Variants in ESYT2 observed in about 807,000 individuals in gnomAD.
The protein encoded by ESYT2 is extended synaptotagmin 2.
A neutral mutation model predicts 107.2 loss-of-function variants in ESYT2; 54 were observed. That is an observed-to-expected ratio of 0.50 (90% confidence interval 0.40 to 0.63). The LOEUF (loss-of-function observed/expected upper bound fraction) is 0.63, where lower values mean the gene tolerates loss of function less well. Ranked by LOEUF, ESYT2 falls within the 30% of genes least tolerant of loss-of-function variation. ESYT2 has a pLI of 0.00. For synonymous variants in ESYT2, 491 were observed against 434.1 expected, an observed-to-expected ratio of 1.13 and a Z score of -1.63; for missense variants, 1,020 against 1,094.5, an observed-to-expected ratio of 0.93 and a Z score of 0.96.
At position 158,738,313 on chromosome 7, in the gene ESYT2, A is replaced by AG. The variant is rs1837041683; in HGVS notation, c.2267+709_2267+710insC. Among the ~76,000 whole-genome samples, 4 of 86,538 alleles carry AG rather than the reference A, an allele frequency of 4.6e-5. No individual in the cohort carries two copies. In the Admixed American group the frequency reaches 4.9e-4, roughly 11 times the overall value. The allele number at this position is 86,538 out of a possible 152,430, so 56.8% of individuals were successfully genotyped here. ...GGGGACAAAGTAAAACTCTGTCTCC[A>AG]AAAAAAAAAAAAAATACACACACAC... is the stretch of plus-strand genomic sequence containing the variant. On this transcript the variant is annotated intron_variant, in intron 19 of 22. Transcript: ENST00000275418.
At chr7:158,764,976 C>G (rs1438928907) in intron 8 of ESYT2, 123 bp from the exon 9 acceptor site, 6 of 933,066 alleles carry the variant, frequency 6.4e-6, no homozygotes, top group Non-Finnish European at 6.5e-6. Context: ...AGACCCTCTT[C>G]TGGTGCCGAG....
rs1000350099 is a variant in ESYT2 at position 158,783,131 on chromosome 7, A to C, written c.747+4873T>G. Among the ~76,000 whole-genome samples, 3 of 152,204 alleles carry C rather than the reference A, an allele frequency of 2.0e-5. No individual in the cohort carries two copies. In the East Asian group the frequency reaches 5.8e-4, roughly 29 times the overall value. On this transcript the variant is annotated intron_variant, in intron 6 of 22. Coordinates refer to ENST00000275418, the MANE Select transcript of ESYT2 (RefSeq NM_001367773.1). ...AGTGGAACAGGCATTTCCAAAGGAC[A>C]GGAAGTCACCTCTGAGCTGTTGCGG...
chr7:158,780,885 G>C (rs1175429035), intron 6 of ESYT2, among the ~76,000 whole-genome samples: 1 of 152,256 alleles, frequency 6.6e-6, no homozygotes, highest in African/African-American at 2.4e-5. Context: ...AGGCTGTAAT[G>C]ACGGAGGGAG....
intron 7 of ESYT2, among the ~76,000 whole-genome samples, chr7:158,770,047 C>T (rs540757927): frequency 1.8e-4 from 27 of 152,086 alleles, no homozygotes; most frequent in Admixed American, 2.0e-4. Context: ...TGTGTGCCCA[C>T]GCCCAACTAA....
chr7:158,796,162 G>A (rs1364383414), intron 3 of ESYT2, among the ~76,000 whole-genome samples: 4 of 152,150 alleles, frequency 2.6e-5, no homozygotes, highest in African/African-American at 7.2e-5. Context: ...GTGCAACAAC[G>A]TGTGCAGACT....
intron 1 of ESYT2, among the ~76,000 whole-genome samples, chr7:158,806,069 C>T (rs1839818349): frequency 6.6e-6 from 1 of 152,030 alleles, no homozygotes; most frequent in Admixed American, 6.5e-5. Context: ...GGCGCCGGGG[C>T]ACACCGCGTG....
rs777853347 is a variant in ESYT2, at chr7:158,743,587, C to T, written c.1736G>A (p.Arg579His). The part of the protein sequence containing the change: ...LTSEDMTVSQ[R>H]FQLSNSGPNS... ...TGGACCCGAGTTACTGAGCTGGAAG[C>T]GCTGGCTCACAGTCATGTCCTCACT... The change falls in exon 17 of 23, where the codon CGC (arginine) becomes CAC (histidine). Residue 579 changes from arginine (R) to histidine (H), a missense_variant. Coordinates refer to ENST00000275418, the MANE Select transcript of ESYT2 (RefSeq NM_001367773.1). 1.7e-5 allele frequency: 27 copies of T among 1,613,144 alleles called. No individual in the cohort carries two copies. The East Asian group carries it at 4.0e-4, about 24-fold the overall frequency.
intron 6 of ESYT2, among the ~76,000 whole-genome samples, chr7:158,781,563 CTG>C (rs1454420496): frequency 2.1e-5 from 3 of 141,294 alleles, no homozygotes; most frequent in South Asian, 2.3e-4. Flanking sequence ...GAGTGAACGA[CTG>C]TGAGAACAAA....
chr7:158,784,636 A>C (rs1280439315), intron 6 of ESYT2, among the ~76,000 whole-genome samples: 2 of 152,240 alleles, frequency 1.3e-5, no homozygotes, highest in Middle Eastern at 3.2e-3. Context: ...CTGAGACTCA[A>C]CTGCAGTCCC....
chr7:158,758,994 C>T (rs1446106259), intron 13 of ESYT2, among the ~76,000 whole-genome samples: 1 of 152,184 alleles, frequency 6.6e-6, no homozygotes, highest in African/African-American at 2.4e-5. Context: ...TTTTGTTCTG[C>T]GAGAAACATC....
intron 1 of ESYT2, among the ~76,000 whole-genome samples, chr7:158,822,878 A>G (rs1267925851): frequency 6.6e-6 from 1 of 152,198 alleles, no homozygotes; most frequent in Admixed American, 6.5e-5. Context: ...TAAAATGTAA[A>G]TACCCCCAAA....
chr7:158,747,604 C>T (rs114250481), intron 16 of ESYT2, among the ~76,000 whole-genome samples: 3 of 152,124 alleles, frequency 2.0e-5, no homozygotes, highest in Non-Finnish European at 2.9e-5. Context: ...ACATGCACTT[C>T]GGTGGGAATG....
intron 1 of ESYT2, among the ~76,000 whole-genome samples, chr7:158,811,855 G>A (rs1171657469): frequency 6.6e-6 from 1 of 152,242 alleles, no homozygotes; most frequent in African/African-American, 2.4e-5. Context: ...CCTGAAAGAG[G>A]AAAGTGGGAA....
At chr7:158,755,418 G>C (rs886497716) in intron 13 of ESYT2, among the ~76,000 whole-genome samples, 1 of 152,160 alleles carries the variant, frequency 6.6e-6, no homozygotes, top group Non-Finnish European at 1.5e-5. Flanking sequence ...AGCTGATTTT[G>C]GTAACGCTCC....
chr7:158,768,301 T>C (rs1262965226), intron 7 of ESYT2, among the ~76,000 whole-genome samples: 1 of 152,254 alleles, frequency 6.6e-6, no homozygotes, highest in Non-Finnish European at 1.5e-5. Context: ...ACTTACTTTG[T>C]TCTCTCTTAT....
intron 4 of ESYT2, among the ~76,000 whole-genome samples, chr7:158,791,637 A>G (rs555657925): frequency 6.6e-6 from 1 of 152,288 alleles, no homozygotes; most frequent in East Asian, 1.9e-4. Context: ...GTGGTATTTC[A>G]TTACGGTCTA....
intron 1 of ESYT2, among the ~76,000 whole-genome samples, chr7:158,824,051 A>G (rs530007539): frequency 6.6e-6 from 1 of 152,298 alleles, no homozygotes; most frequent in Admixed American, 6.5e-5. Context: ...ATTTAAATCT[A>G]TTTTTTAGCT....
At chr7:158,766,155 C>T (rs551065293) in intron 8 of ESYT2, among the ~76,000 whole-genome samples, 2 of 151,472 alleles carry the variant, frequency 1.3e-5, no homozygotes, top group South Asian at 4.2e-4. Flanking sequence ...GGCGACAGAG[C>T]GAGACTCCAT....
chr7:158,782,707 CAA>C (rs1356759826), intron 6 of ESYT2, among the ~76,000 whole-genome samples: 2 of 151,922 alleles, frequency 1.3e-5, no homozygotes, highest in African/African-American at 4.8e-5. Context: ...AACGAATCTG[CAA>C]GAGAACAAGT....
Sources: gnomAD v4.1 joint callset for allele counts (sites outside exome capture counted in the v4.1 genomes callset) on GRCh38, gnomAD v4.1.1 for gene constraint, MANE v1.5 for transcripts, NCBI Gene and HGNC (gene_info 2026-07-23, HGNC 2026-07-21) for gene names.